Variants in CSMD1 observed in about 807,000 individuals in gnomAD.
The protein encoded by CSMD1 is CUB and sushi domain-containing protein 1.
In CSMD1, 213 loss-of-function variants were observed where a neutral mutation model predicts 417.5. The ratio of observed to expected loss-of-function variants is 0.51; its 90% confidence interval spans 0.46 to 0.57. CSMD1 has a LOEUF of 0.57. Ranked by LOEUF, CSMD1 falls within the 20% of genes least tolerant of loss-of-function variation. The pLI is 0.00. For synonymous variants in CSMD1, 2,862 were observed against 1,736.8 expected, an observed-to-expected ratio of 1.65 and a Z score of -16.11; for missense variants, 6,923 against 4,529.7, an observed-to-expected ratio of 1.53 and a Z score of -15.17.
chr8:3,978,802 G>A (rs537687762), intron 5 of CSMD1, among the ~76,000 whole-genome samples: 21 of 151,932 alleles, frequency 1.4e-4, no homozygotes, highest in Non-Finnish European at 1.9e-4. Flanking sequence ...TTTCCTTTCC[G>A]GAGACATCGG....
At chr8:3,899,653 A>C (rs1047364002) in intron 5 of CSMD1, among the ~76,000 whole-genome samples, 1 of 152,224 alleles carries the variant, frequency 6.6e-6, no homozygotes, top group African/African-American at 2.4e-5. Flanking sequence ...CTGAGAAACT[A>C]GACAAGAAGG....
At chr8:3,031,042 A>T (rs2670065) in intron 50 of CSMD1, among the ~76,000 whole-genome samples, 6,440 of 151,986 alleles carry the variant, frequency 0.042, 476 homozygotes, top group African/African-American at 0.15. Context: ...TAAATTTATA[A>T]GAAGATTCAA....
chr8:3,141,800 C>T (rs952172960), intron 41 of CSMD1, among the ~76,000 whole-genome samples: 21 of 144,274 alleles, frequency 1.5e-4, no homozygotes, highest in African/African-American at 4.6e-4. Context: ...GCCAAATTAT[C>T]TTTTTTTTTT....
chr8:4,558,180 T>C (rs189582827), intron 2 of CSMD1, among the ~76,000 whole-genome samples: 1 of 152,064 alleles, frequency 6.6e-6, no homozygotes, highest in African/African-American at 2.4e-5. Context: ...TACAAAAGCA[T>C]CTAAACAAGA....
intron 3 of CSMD1, among the ~76,000 whole-genome samples, chr8:4,143,727 A>T (rs1803939089): frequency 6.6e-6 from 1 of 151,088 alleles, no homozygotes; most frequent in Non-Finnish European, 1.5e-5. Flanking sequence ...GAAACATAGG[A>T]AGGAAGCTGT....
At chr8:3,025,909 A>C (rs1809835643) in intron 51 of CSMD1, among the ~76,000 whole-genome samples, 1 of 152,206 alleles carries the variant, frequency 6.6e-6, no homozygotes, top group Admixed American at 6.5e-5. Context: ...ATATTTTAAA[A>C]TAATAATAGT....
chr8:3,979,099 G>A (rs562723150), intron 5 of CSMD1, among the ~76,000 whole-genome samples: 41 of 152,322 alleles, frequency 2.7e-4, no homozygotes, highest in Middle Eastern at 3.4e-3. Context: ...AGTAGCCAGT[G>A]CATTTAGAGA....
chr8:4,937,030 A>T (rs1807666782), intron 1 of CSMD1, among the ~76,000 whole-genome samples: 1 of 152,070 alleles, frequency 6.6e-6, no homozygotes, highest in Non-Finnish European at 1.5e-5. Flanking sequence ...GGCCAAAATA[A>T]CAGGACTCTG....
chr8:4,425,764 A>T (rs1230799725), intron 2 of CSMD1, among the ~76,000 whole-genome samples: 1 of 152,172 alleles, frequency 6.6e-6, no homozygotes, highest in Non-Finnish European at 1.5e-5. Flanking sequence ...CCAATAATCC[A>T]CACAGGTGTC....
At chr8:4,203,165 C>A (rs370893516) in intron 3 of CSMD1, among the ~76,000 whole-genome samples, 4 of 152,130 alleles carry the variant, frequency 2.6e-5, no homozygotes, top group African/African-American at 9.7e-5. Context: ...GTCAGAGGGA[C>A]ATGTCATTTA....
chr8:4,175,593 T>C (rs1486171377), intron 3 of CSMD1, among the ~76,000 whole-genome samples: 1 of 152,056 alleles, frequency 6.6e-6, no homozygotes, highest in African/African-American at 2.4e-5. Flanking sequence ...GGAGAGTAAA[T>C]ATACAATGAT....
chr8:4,836,929 G>C (rs77464391), intron 1 of CSMD1, among the ~76,000 whole-genome samples: 1 of 152,044 alleles, frequency 6.6e-6, no homozygotes, highest in African/African-American at 2.4e-5. Flanking sequence ...AGTTCTAATG[G>C]GAAACCTCCA....
chr8:4,020,266 G>C (rs775015181), intron 4 of CSMD1, among the ~76,000 whole-genome samples: 1 of 152,146 alleles, frequency 6.6e-6, no homozygotes, highest in Non-Finnish European at 1.5e-5. Flanking sequence ...GACAGCACTG[G>C]GATTTGCCCC....
intron 3 of CSMD1, among the ~76,000 whole-genome samples, chr8:4,192,474 G>T (rs982996395): frequency 2.3e-4 from 35 of 152,064 alleles, no homozygotes; most frequent in African/African-American, 8.0e-4. Flanking sequence ...CGGTAGCACT[G>T]ATGTTGACCA....
chr8:3,826,259 C>A (rs572687307), intron 5 of CSMD1, among the ~76,000 whole-genome samples: 1 of 152,010 alleles, frequency 6.6e-6, no homozygotes, highest in Non-Finnish European at 1.5e-5. Context: ...AGCCCAGGCA[C>A]GGGTCACCCA....
chr8:3,955,871 G>A (rs1227066604), intron 5 of CSMD1, among the ~76,000 whole-genome samples: 1 of 152,192 alleles, frequency 6.6e-6, no homozygotes, highest in Non-Finnish European at 1.5e-5. Context: ...CCCAGGCTGG[G>A]TGCAATGGCA....
At chr8:3,315,167 A>G (rs1402937509) in intron 23 of CSMD1, among the ~76,000 whole-genome samples, 1 of 152,230 alleles carries the variant, frequency 6.6e-6, no homozygotes, top group Non-Finnish European at 1.5e-5. Flanking sequence ...ATGTGAAAAA[A>G]AGGGACAGTG....
At chr8:4,574,424 C>G (rs1002272952) in intron 2 of CSMD1, among the ~76,000 whole-genome samples, 1 of 152,170 alleles carries the variant, frequency 6.6e-6, no homozygotes, top group African/African-American at 2.4e-5. Context: ...ATGCCCCACC[C>G]TTCTTCTGCT....
chr8:3,660,205 G>A (rs13281956), intron 7 of CSMD1, among the ~76,000 whole-genome samples: 44,029 of 152,038 alleles, frequency 0.29, 8,284 homozygotes, highest in Non-Finnish European at 0.42. Context: ...TTGGGAGCCC[G>A]CAATTATCTA....
Sources: allele counts gnomAD v4.1 joint callset (sites outside exome capture counted in the v4.1 genomes callset), GRCh38; gene constraint gnomAD v4.1.1; transcripts MANE v1.5; gene names NCBI Gene and HGNC (gene_info 2026-07-23, HGNC 2026-07-21).